Variants in MED27 observed in about 807,000 individuals in gnomAD.
MED27 encodes the protein mediator of RNA polymerase II transcription subunit 27.
In MED27, 30 loss-of-function variants were observed where a neutral mutation model predicts 38.2. The ratio of observed to expected loss-of-function variants is 0.79; its 90% confidence interval spans 0.59 to 1.07. The LOEUF (loss-of-function observed/expected upper bound fraction) is 1.07, where lower values mean the gene tolerates loss of function less well. Among genes scored for constraint, MED27 ranks in the 50% least tolerant of loss-of-function variants. The pLI, the probability that MED27 is intolerant of heterozygous loss-of-function variation, is 0.00. For synonymous variants in MED27, 122 were observed against 153.5 expected (o/e 0.79, Z 1.52); for missense variants, 289 against 397.5 (o/e 0.73, Z 2.32).
chr9:131,921,261 T>C (rs774034754), intron 4 of MED27, among the ~76,000 whole-genome samples: 32 of 152,274 alleles, frequency 2.1e-4, no homozygotes, highest in Non-Finnish European at 4.1e-4. Context: ...ACATCTGCAC[T>C]CTCTCTGCAC....
intron 2 of MED27, among the ~76,000 whole-genome samples, chr9:132,017,719 C>A (rs1832634163): frequency 6.6e-6 from 1 of 152,194 alleles, no homozygotes; most frequent in African/African-American, 2.4e-5. Flanking sequence ...GTATTTCTCT[C>A]AGTTACAATT....
chr9:132,034,542 T>C (rs1031641943), intron 2 of MED27, among the ~76,000 whole-genome samples: 5 of 152,170 alleles, frequency 3.3e-5, no homozygotes, highest in Non-Finnish European at 7.3e-5. Flanking sequence ...ACAAGGTACA[T>C]CTCACTTTTA....
chr9:132,032,368 G>C (rs994065757), intron 2 of MED27, among the ~76,000 whole-genome samples: 1 of 151,902 alleles, frequency 6.6e-6, no homozygotes, highest in African/African-American at 2.4e-5. Context: ...ATGCAACTCT[G>C]GTCTGTACTT....
At chr9:131,868,208 CTTA>C (rs766607529) in intron 6 of MED27, among the ~76,000 whole-genome samples, 2 of 152,140 alleles carry the variant, frequency 1.3e-5, no homozygotes, top group Non-Finnish European at 2.9e-5. Flanking sequence ...TTAATAAGAG[CTTA>C]TTATGTGCCA....
rs1292752691 is a variant in MED27, at chr9:132,036,971, G to A, written c.349-22504C>T. Among the ~76,000 whole-genome samples, 9 of 152,266 alleles carry A rather than the reference G, an allele frequency of 5.9e-5. No individual in the cohort carries two copies. The South Asian group carries it at 6.2e-4, about 11-fold the overall frequency. On this transcript the variant is annotated intron_variant, in intron 2 of 7. Transcript: ENST00000292035. ...GGCACTGCCTGTAAAATTTGTGACC[G>A]TGTAAAGTGACAGCAACGGAGAGAA...
chr9:131,935,229 G>A (rs2131574322), intron 4 of MED27, among the ~76,000 whole-genome samples: 1 of 152,168 alleles, frequency 6.6e-6, no homozygotes, highest in African/African-American at 2.4e-5. Context: ...GAGTATAATT[G>A]GATAATTCAT....
rs141051812 is a variant in MED27, at chr9:131,939,422, T to A, written c.532A>T (p.Ile178Phe). The A allele has an allele frequency of 6.2e-7, 1 of 1,612,588 alleles. No individual in the cohort carries two copies. The highest frequency in any genetic ancestry group is 1.3e-5 in the African/African-American group (1 of 74,976). ...RIDRMFPEMS[I>F]HLSRPNGTSA... Reference sequence around the variant, plus strand: ...GTTCCATTGGGTCTGGATAAGTGGATGGACATTTCAGGAAACATCCTGTCA... The same window carrying A: ...GTTCCATTGGGTCTGGATAAGTGGAAGGACATTTCAGGAAACATCCTGTCA... Residue 178 changes from isoleucine to phenylalanine, a missense_variant, in exon 4 of 8, where the codon ATC (isoleucine) becomes TTC (phenylalanine). Coordinates refer to ENST00000292035, the MANE Select transcript of MED27 (RefSeq NM_004269.4).
At chr9:131,968,151 G>A (rs943335919) in intron 3 of MED27, among the ~76,000 whole-genome samples, 1 of 151,958 alleles carries the variant, frequency 6.6e-6, no homozygotes, top group African/African-American at 2.4e-5. Context: ...ATTAGAATGG[G>A]TCTTAAGCTA....
At chr9:131,946,921 C>G (rs2130979016) in intron 3 of MED27, among the ~76,000 whole-genome samples, 1 of 152,326 alleles carries the variant, frequency 6.6e-6, no homozygotes, top group Non-Finnish European at 1.5e-5. Flanking sequence ...TTTTATCTCT[C>G]ATGGTACTTT....
chr9:131,949,489 A>G (rs1830948645), intron 3 of MED27, among the ~76,000 whole-genome samples: 1 of 152,232 alleles, frequency 6.6e-6, no homozygotes, highest in African/African-American at 2.4e-5. Context: ...ACTATGGCTG[A>G]GTGGCACAGC....
rs774276967 is a variant in MED27, at chr9:131,860,603, C to T, written c.871G>A (p.Gly291Ser). 18 of 1,607,968 alleles carry T rather than the reference C, an allele frequency of 1.1e-5. No individual in the cohort carries two copies. Among genetic ancestry groups the T allele is most frequent in the Middle Eastern group, 3.5e-4 (2 of 5,694 alleles). The change falls in exon 8 of 8, where the codon GGC becomes AGC. Residue 291 changes from glycine (G) to serine (S), a missense_variant. Transcript: ENST00000292035. The surrounding 1 kb of genome is among the most constrained non-coding windows in gnomAD (Gnocchi z 5.8). ...CQRCGKFLQDGLPPTWRDFRT... is the reference protein window; with the variant it reads ...CQRCGKFLQDSLPPTWRDFRT... ...AAATCCCTCCATGTCGGGGGAAGGC[C>T]GTCCTGCAGAAACTTCCCGCAGCGC...
intron 5 of MED27, among the ~76,000 whole-genome samples, chr9:131,890,033 G>A (rs181588613): frequency 1.4e-4 from 22 of 152,332 alleles, no homozygotes; most frequent in Admixed American, 5.2e-4. Context: ...CATTTGGGAT[G>A]TGCCAGACAA....
rs1834135094 is a variant in MED27 at position 132,079,794 on chromosome 9, G to A, written c.51C>T (p.Ala17=). 1.2e-6 allele frequency: 2 copies of A among 1,613,750 alleles called. No individual in the cohort carries two copies. Among genetic ancestry groups the A allele is most frequent in the Admixed American group, 3.3e-5 (2 of 59,904 alleles). The part of the protein sequence containing the change: ...VSVNLEAFSQ[A]ISAIQALRSS... ...AGCGCAGCGCCTGGATGGCACTAAT[G>A]GCCTGGGAAAAGGCCTCCAGGTTCA... is the stretch of plus-strand genomic sequence containing the variant. The change falls in exon 1 of 8, where the codon GCC becomes GCT. Residue 17 remains alanine (A), a synonymous_variant. Coordinates refer to ENST00000292035, the MANE Select transcript of MED27 (RefSeq NM_004269.4).
At chr9:131,938,130 T>TAA (rs776761902) in intron 4 of MED27, among the ~76,000 whole-genome samples, 3 of 152,160 alleles carry the variant, frequency 2.0e-5, no homozygotes, top group Non-Finnish European at 2.9e-5. Flanking sequence ...TTTCCTGTCT[T>TAA]AAGACCAAAA....
intron 3 of MED27, among the ~76,000 whole-genome samples, chr9:131,988,391 T>C (rs1028488469): frequency 5.9e-5 from 9 of 152,328 alleles, no homozygotes; most frequent in African/African-American, 2.2e-4. Flanking sequence ...AGTCCACTTA[T>C]ACTCAGATTT....
chr9:131,922,675 A>T (rs894282042), intron 4 of MED27, among the ~76,000 whole-genome samples: 12 of 151,232 alleles, frequency 7.9e-5, no homozygotes, highest in Admixed American at 2.6e-4. Flanking sequence ...TTTAGGGTAC[A>T]TGTGCACAAT....
chr9:131,871,551 C>T (rs1838834328), intron 6 of MED27, among the ~76,000 whole-genome samples: 1 of 152,156 alleles, frequency 6.6e-6, no homozygotes, highest in Admixed American at 6.5e-5. Flanking sequence ...CACAGCAAGA[C>T]CCTTGTCCTC....
intron 2 of MED27, among the ~76,000 whole-genome samples, chr9:132,027,007 A>C (rs1209775576): frequency 2.0e-5 from 3 of 152,198 alleles, no homozygotes; most frequent in African/African-American, 7.2e-5. Context: ...ACTACACTCA[A>C]CTGCCTCTCC....
rs551891859 is a variant in MED27, at chr9:131,893,207, G to A, written c.681+678C>T. 1.5e-4 allele frequency among the ~76,000 whole-genome samples: 23 copies of A among 152,266 alleles called. 1 individual carries two copies. The South Asian group carries it at 2.1e-3, about 14-fold the overall frequency. On this transcript the variant is annotated intron_variant, in intron 5 of 7. Coordinates refer to ENST00000292035, the MANE Select transcript of MED27 (RefSeq NM_004269.4). Reference sequence around the variant, plus strand: ...GGGGAGACCAGGCTCCGTGCTGAGAGTGGCCTGGAAGAGTGTGGGGCATCT... The same window carrying A: ...GGGGAGACCAGGCTCCGTGCTGAGAATGGCCTGGAAGAGTGTGGGGCATCT...
Sources: allele counts gnomAD v4.1 joint callset (sites outside exome capture counted in the v4.1 genomes callset), GRCh38; gene constraint gnomAD v4.1.1; non-coding constraint Gnocchi (gnomAD v3.1); transcripts MANE v1.5; gene names NCBI Gene and HGNC (gene_info 2026-07-23, HGNC 2026-07-21).